INPP5A: variants seen among roughly 807,000 people sequenced by gnomAD.
INPP5A encodes the protein 43 kDa inositol polyphosphate 5-phophatase.
A neutral mutation model predicts 65.2 loss-of-function variants in INPP5A; 14 were observed. The observed-to-expected ratio is 0.21, with a 90% CI of 0.14 to 0.34. INPP5A has a LOEUF of 0.34. INPP5A is among the 10% of genes least tolerant of loss of function. The pLI, the probability that INPP5A is intolerant of heterozygous loss-of-function variation, is 1.00. For missense variants in INPP5A, 431 were observed against 545.6 expected (o/e 0.79, Z 2.09); for synonymous variants, 207 against 208.3 (o/e 0.99, Z 0.05).
rs921584576 is a variant in INPP5A, at chr10:132,545,155, C to T, written c.75+6984C>T. Among the ~76,000 whole-genome samples the T allele has an allele frequency of 2.0e-5, 3 of 151,920 alleles. No individual in the cohort carries two copies. Among genetic ancestry groups the T allele is most frequent in the Non-Finnish European group, 4.4e-5 (3 of 67,954 alleles). On this transcript the variant is annotated intron_variant, in intron 1 of 15. Transcript: ENST00000368594. The surrounding 1 kb of genome is among the most constrained non-coding windows in gnomAD (Gnocchi z 4.6). ...GGCAGGTGGAGCAGGGCAGAGGGCC[C>T]CGCACGGCTCTGGGATGGCTGTGCT...
chr10:132,780,086 T>G (rs1294889289), intron 13 of INPP5A, among the ~76,000 whole-genome samples: 2 of 152,270 alleles, frequency 1.3e-5, no homozygotes, highest in African/African-American at 4.8e-5. Flanking sequence ...GCTTGTTTTC[T>G]CATTCTTTCT....
At position 132,603,868 on chromosome 10, in the gene INPP5A, C is replaced by T. The variant is rs1224598831; in HGVS notation, c.76-4047C>T. 6.6e-6 allele frequency among the ~76,000 whole-genome samples: 1 copy of T among 151,996 alleles called. No homozygotes were observed. ...GGTCACTGTGGTCTTTCCTTTCTGA[C>T]TTCTGGGCTCTGCTGCATCACCTGA... On this transcript the variant is annotated intron_variant, in intron 1 of 15. Transcript: ENST00000368594. This position sits in a 1 kb window ranked among gnomAD's most constrained non-coding sequence, Gnocchi z 4.2.
At chr10:132,708,164 G>T (rs1035404117) in intron 6 of INPP5A, 149 bp from the exon 7 acceptor site, 14 of 681,870 alleles carry the variant, frequency 2.1e-5, no homozygotes, top group Non-Finnish European at 3.6e-5. Flanking sequence ...GCACAGCTCG[G>T]TTCTCTTTAG....
intron 4 of INPP5A, among the ~76,000 whole-genome samples, chr10:132,653,845 C>T (rs1353375366): frequency 6.6e-6 from 1 of 152,216 alleles, no homozygotes; most frequent in Admixed American, 6.5e-5. Context: ...CGCCCCCCGT[C>T]AAAGGAAAGG....
intron 12 of INPP5A, among the ~76,000 whole-genome samples, chr10:132,766,119 CCTGTGCAT>C (rs1297897671): frequency 5.3e-5 from 8 of 151,678 alleles, no homozygotes; most frequent in Non-Finnish European, 1.0e-4. Flanking sequence ...TGTGTGTGCA[CCTGTGCAT>C]CTGTGTGTGC....
chr10:132,770,258 G>T (rs573074972), intron 12 of INPP5A, among the ~76,000 whole-genome samples: 1 of 152,332 alleles, frequency 6.6e-6, no homozygotes, highest in East Asian at 1.9e-4. Flanking sequence ...CAGCCTCTCC[G>T]CAGCCAGAGA....
intron 4 of INPP5A, among the ~76,000 whole-genome samples, chr10:132,672,665 A>T (rs559280575): frequency 6.6e-6 from 1 of 152,228 alleles, no homozygotes; most frequent in Non-Finnish European, 1.5e-5. Flanking sequence ...GTATGTATTT[A>T]TCAGCAGTGT....
At chr10:132,773,451 A>G (rs1257296181) in intron 12 of INPP5A, among the ~76,000 whole-genome samples, 2 of 152,228 alleles carry the variant, frequency 1.3e-5, no homozygotes, top group East Asian at 1.9e-4. Flanking sequence ...TTTAATGGAC[A>G]CATATATTTT....
At chr10:132,566,569 T>A (rs1338557397) in intron 1 of INPP5A, among the ~76,000 whole-genome samples, 5 of 152,242 alleles carry the variant, frequency 3.3e-5, no homozygotes, top group African/African-American at 1.2e-4. Flanking sequence ...GGTTGAGGGA[T>A]GTAATTCCCT....
At chr10:132,731,505 G>A (rs1034500430) in intron 9 of INPP5A, among the ~76,000 whole-genome samples, 18 of 152,286 alleles carry the variant, frequency 1.2e-4, no homozygotes, top group African/African-American at 3.6e-4. Flanking sequence ...CGTATCAGAC[G>A]ACCCTGGGAG....
chr10:132,770,152 C>A (rs1275833231), intron 12 of INPP5A, among the ~76,000 whole-genome samples: 1 of 152,188 alleles, frequency 6.6e-6, no homozygotes, highest in Non-Finnish European at 1.5e-5. Flanking sequence ...TTGCTCACCC[C>A]TCGTGGCCTC....
chr10:132,681,388 A>T (rs1349871021), intron 4 of INPP5A, among the ~76,000 whole-genome samples: 3 of 151,958 alleles, frequency 2.0e-5, no homozygotes, highest in African/African-American at 7.3e-5. Flanking sequence ...GAGCTGTAAC[A>T]CTCACCGCGA....
chr10:132,646,735 T>C (rs2072499685), intron 3 of INPP5A, among the ~76,000 whole-genome samples: 1 of 152,134 alleles, frequency 6.6e-6, no homozygotes, highest in Non-Finnish European at 1.5e-5. Context: ...GCCCCCAACA[T>C]CGCAGAGCTT....
chr10:132,596,751 G>A (rs570507872), intron 1 of INPP5A, among the ~76,000 whole-genome samples: 3 of 152,264 alleles, frequency 2.0e-5, no homozygotes, highest in Non-Finnish European at 1.5e-5. Flanking sequence ...GCATGTTTGT[G>A]TACGTGTGTA....
intron 11 of INPP5A, among the ~76,000 whole-genome samples, chr10:132,756,545 C>T (rs1422491162): frequency 6.6e-6 from 1 of 152,226 alleles, no homozygotes; most frequent in African/African-American, 2.4e-5. Flanking sequence ...ACTGTTGTGA[C>T]ATCACAGCGT....
intron 1 of INPP5A, among the ~76,000 whole-genome samples, chr10:132,604,048 CT>C (rs1395729436): frequency 6.8e-6 from 1 of 146,966 alleles, no homozygotes; most frequent in Non-Finnish European, 1.5e-5. Flanking sequence ...TCAGGGTCCC[CT>C]CTCTGTCCCG....
At chr10:132,557,249 C>T (rs1215210738) in intron 1 of INPP5A, among the ~76,000 whole-genome samples, 2 of 152,242 alleles carry the variant, frequency 1.3e-5, no homozygotes, top group African/African-American at 2.4e-5. Flanking sequence ...GGCACCCTCG[C>T]CCGGGGCCAC....
At chr10:132,622,373 C>T (rs113449494) in intron 2 of INPP5A, among the ~76,000 whole-genome samples, 4 of 108,004 alleles carry the variant, frequency 3.7e-5, no homozygotes, top group African/African-American at 7.6e-5. Context: ...AAATATACCG[C>T]GTTCGTGGAT....
chr10:132,694,333 A>T (rs1845313632), intron 5 of INPP5A, among the ~76,000 whole-genome samples: 1 of 152,326 alleles, frequency 6.6e-6, no homozygotes, highest in African/African-American at 2.4e-5. Flanking sequence ...CCAAATGAAA[A>T]CGTAAATACA....
Sources: allele counts gnomAD v4.1 joint callset (sites outside exome capture counted in the v4.1 genomes callset), GRCh38; gene constraint gnomAD v4.1.1; non-coding constraint Gnocchi (gnomAD v3.1); transcripts MANE v1.5; gene names NCBI Gene and HGNC (gene_info 2026-07-23, HGNC 2026-07-21).